CCDC148: variants seen among roughly 807,000 people sequenced by gnomAD.
The protein encoded by CCDC148 is coiled-coil domain containing 148, also known as coiled-coil domain-containing protein 148.
In CCDC148, 89 loss-of-function variants were observed where a neutral mutation model predicts 85.7. That is an observed-to-expected ratio of 1.04 (90% CI 0.87 to 1.24). The LOEUF (loss-of-function observed/expected upper bound fraction) is 1.24. CCDC148 is among the 50% of genes most tolerant of loss of function. The pLI is 0.00. For missense variants in CCDC148, 692 were observed against 671.7 expected, an observed-to-expected ratio of 1.03 and a Z score of -0.33; for synonymous variants, 230 against 213.9, an observed-to-expected ratio of 1.08 and a Z score of -0.66.
intron 7 of CCDC148, among the ~76,000 whole-genome samples, chr2:158,334,411 C>G (rs2105236226): frequency 1.1e-5 from 1 of 91,510 alleles, no homozygotes; most frequent in Admixed American, 9.7e-5. Context: ...CAAGTGGCAA[C>G]TATGTTTCTA....
At chr2:158,440,235 G>T (rs1023406877) in intron 1 of CCDC148, among the ~76,000 whole-genome samples, 5 of 152,100 alleles carry the variant, frequency 3.3e-5, no homozygotes, top group African/African-American at 1.2e-4. Flanking sequence ...ATTATAGATT[G>T]CTGTCAGGAG....
chr2:158,300,342 G>T lies in CCDC148; in HGVS notation c.1110+9091C>A, dbSNP rs974485024. ...CACTGAAAATCTAGGGCAGGGGTAGGGGGAGGCTTACACCAAGATGAATAA... is the reference window on the plus strand; with the variant it reads ...CACTGAAAATCTAGGGCAGGGGTAGTGGGAGGCTTACACCAAGATGAATAA... On this transcript the variant is annotated intron_variant, in intron 9 of 13. Transcript: ENST00000283233. Among the ~76,000 whole-genome samples the T allele has an allele frequency of 4.1e-4, 62 of 152,142 alleles. 1 individual carries two copies. Among genetic ancestry groups the T allele is most frequent in the African/African-American group, 1.4e-3 (60 of 41,432 alleles).
In CCDC148 at chr2:158,296,573, T is replaced by C. The variant is rs371357791; in HGVS notation, c.1110+12860A>G. 6.6e-5 allele frequency among the ~76,000 whole-genome samples: 10 copies of C among 152,352 alleles called. No individual in the cohort carries two copies. The South Asian group carries it at 1.0e-3, about 16-fold the overall frequency. On this transcript the variant is annotated intron_variant, in intron 9 of 13. Coordinates refer to ENST00000283233, the MANE Select transcript of CCDC148 (RefSeq NM_138803.4). Reference sequence around the variant, plus strand: ...CTGAAATTTTGTTGCATAAAGTCATTGTAAAATGCAAACATCTATATTCTA... The same window carrying C: ...CTGAAATTTTGTTGCATAAAGTCATCGTAAAATGCAAACATCTATATTCTA...
chr2:158,421,899 A>G lies in CCDC148; in HGVS notation c.25+34516T>C, dbSNP rs545881527. Among the ~76,000 whole-genome samples, 5 of 151,526 alleles carry G rather than the reference A, an allele frequency of 3.3e-5. No homozygotes were observed. The East Asian group carries it at 7.7e-4, about 23-fold the overall frequency. On this transcript the variant is annotated intron_variant, in intron 1 of 13. Coordinates refer to ENST00000283233, the MANE Select transcript of CCDC148 (RefSeq NM_138803.4). ...CAAATAGACGCAATAAAAAATGATA[A>G]AGGGGTTATCACCACCGATCCCACA... is the stretch of plus-strand genomic sequence containing the variant.
At chr2:158,438,318 C>A (rs1687764568) in intron 1 of CCDC148, among the ~76,000 whole-genome samples, 1 of 152,060 alleles carries the variant, frequency 6.6e-6, no homozygotes, top group Admixed American at 6.6e-5. Flanking sequence ...AGAAATAATG[C>A]CGCATATCTA....
intron 7 of CCDC148, among the ~76,000 whole-genome samples, chr2:158,335,337 A>T (rs1234491092): frequency 6.6e-6 from 1 of 152,164 alleles, no homozygotes; most frequent in Non-Finnish European, 1.5e-5. Flanking sequence ...GTTCATAGTG[A>T]ATTTTGCTTC....
At chr2:158,322,091 C>A (rs1692546113) in intron 7 of CCDC148, among the ~76,000 whole-genome samples, 1 of 152,062 alleles carries the variant, frequency 6.6e-6, no homozygotes, top group Non-Finnish European at 1.5e-5. Context: ...GGCAATTTAC[C>A]AATGCTACCA....
At chr2:158,374,456 T>C (rs762097524) in intron 1 of CCDC148, among the ~76,000 whole-genome samples, 5 of 151,978 alleles carry the variant, frequency 3.3e-5, no homozygotes, top group Non-Finnish European at 7.4e-5. Flanking sequence ...CTATGATACA[T>C]ACCATATGAT....
intron 11 of CCDC148, among the ~76,000 whole-genome samples, chr2:158,214,979 A>C (rs2105295808): frequency 6.6e-6 from 1 of 152,352 alleles, no homozygotes; most frequent in East Asian, 1.9e-4. Flanking sequence ...AGAATAGCTA[A>C]GATATTTTTG....
intron 11 of CCDC148, among the ~76,000 whole-genome samples, chr2:158,213,990 T>G (rs557494689): frequency 5.3e-5 from 8 of 151,268 alleles, no homozygotes; most frequent in Non-Finnish European, 8.9e-5. Flanking sequence ...AGTGGTGGGG[T>G]AGGGGGAGGG....
At chr2:158,320,795 A>C (rs1692486599) in intron 7 of CCDC148, among the ~76,000 whole-genome samples, 1 of 152,104 alleles carries the variant, frequency 6.6e-6, no homozygotes, top group African/African-American at 2.4e-5. Context: ...ATCATATAAA[A>C]CCCAGATTTT....
intron 1 of CCDC148, among the ~76,000 whole-genome samples, chr2:158,455,893 T>G (rs902529522): frequency 6.6e-6 from 1 of 152,364 alleles, no homozygotes; most frequent in African/African-American, 2.4e-5. Flanking sequence ...ACTGATTTCA[T>G]GCCTCAGGTT....
chr2:158,226,007 A>G (rs1051048146), intron 10 of CCDC148, among the ~76,000 whole-genome samples: 1 of 152,254 alleles, frequency 6.6e-6, no homozygotes, highest in Admixed American at 6.5e-5. Context: ...AAAATCAATG[A>G]ATCTAGGAAC....
At chr2:158,353,014 A>G (rs1683406215) in intron 2 of CCDC148, among the ~76,000 whole-genome samples, 1 of 151,604 alleles carries the variant, frequency 6.6e-6, no homozygotes, top group South Asian at 2.1e-4. Flanking sequence ...TACTTTACAG[A>G]CAAGCAAATG....
At chr2:158,416,416 A>G (rs1178827757) in intron 1 of CCDC148, among the ~76,000 whole-genome samples, 1 of 152,208 alleles carries the variant, frequency 6.6e-6, no homozygotes, top group Non-Finnish European at 1.5e-5. Context: ...ATATGAGCAT[A>G]TCCTGTTAGA....
chr2:158,399,197 C>A (rs1360177363), intron 1 of CCDC148, among the ~76,000 whole-genome samples: 1 of 152,110 alleles, frequency 6.6e-6, no homozygotes, highest in African/African-American at 2.4e-5. Context: ...ACCAGCGGTA[C>A]AAGGAGAGCT....
chr2:158,414,095 A>C (rs1686386404), intron 1 of CCDC148, among the ~76,000 whole-genome samples: 1 of 152,234 alleles, frequency 6.6e-6, no homozygotes. Flanking sequence ...AAACAGTAAC[A>C]ACAGTAATAG....
At chr2:158,266,157 C>T (rs1029975416) in intron 9 of CCDC148, among the ~76,000 whole-genome samples, 17 of 152,248 alleles carry the variant, frequency 1.1e-4, no homozygotes, top group Non-Finnish European at 1.9e-4. Flanking sequence ...TCATTGGCTC[C>T]CCACTGTCTC....
intron 1 of CCDC148, among the ~76,000 whole-genome samples, chr2:158,383,558 A>G (rs138155465): frequency 2.6e-5 from 4 of 151,052 alleles, no homozygotes; most frequent in African/African-American, 7.4e-5. Flanking sequence ...ATTTTCAGTG[A>G]AAGAAAAATT....
Sources: allele counts gnomAD v4.1 joint callset (sites outside exome capture counted in the v4.1 genomes callset), GRCh38; gene constraint gnomAD v4.1.1; transcripts MANE v1.5; gene names NCBI Gene and HGNC (gene_info 2026-07-23, HGNC 2026-07-21).